The following CCL26 variants were observed in gnomAD, a reference collection of about 807,000 sequenced individuals.
CCL26 encodes C-C motif chemokine 26.
A neutral mutation model predicts 10.7 loss-of-function variants in CCL26; 10 were observed. The observed-to-expected ratio is 0.93, with a 90% confidence interval of 0.57 to 1.58. The LOEUF (loss-of-function observed/expected upper bound fraction) is 1.58, where lower values mean the gene tolerates loss of function less well. CCL26 is among the 40% of genes most tolerant of loss of function. The pLI, the probability that CCL26 is intolerant of heterozygous loss-of-function variation, is 0.00. For missense variants in CCL26, 116 were observed against 111.0 expected (o/e 1.05, Z -0.20); for synonymous variants, 43 against 41.4 (o/e 1.04, Z -0.15).
chr7:75,786,088 T>C (rs1377973649), intron 1 of CCL26, among the ~76,000 whole-genome samples: 1 of 152,208 alleles, frequency 6.6e-6, no homozygotes, highest in East Asian at 1.9e-4. Context: ...CCCTGGCTCC[T>C]TCAGCTATAC....
chr7:75,774,596 C>A (rs1294607752), upstream of CCL26, among the ~76,000 whole-genome samples: 1 of 151,970 alleles, frequency 6.6e-6, no homozygotes, highest in Non-Finnish European at 1.5e-5. Context: ...CAGGCATGCA[C>A]CACCATGCCC....
At chr7:75,776,663 G>A (rs1010063080), upstream of CCL26, among the ~76,000 whole-genome samples, 3 of 152,046 alleles carry the variant, frequency 2.0e-5, no homozygotes, top group African/African-American at 7.2e-5. Flanking sequence ...AACACTTTAC[G>A]AGAAGGAAAC....
At chr7:75,782,859 C>T (rs1344107940) in intron 1 of CCL26, among the ~76,000 whole-genome samples, 1 of 152,140 alleles carries the variant, frequency 6.6e-6, no homozygotes, top group Non-Finnish European at 1.5e-5. Flanking sequence ...TTCCTTCAGT[C>T]TCCACCCCAA....
intron 1 of CCL26, among the ~76,000 whole-genome samples, chr7:75,778,855 G>GGGGC (rs1195474388): frequency 6.6e-6 from 1 of 151,840 alleles, no homozygotes; most frequent in Non-Finnish European, 1.5e-5. Context: ...AGGTGGGGGG[G>GGGGC]GCAGATCACT....
At chr7:75,780,019 G>A (rs545919683) in intron 1 of CCL26, among the ~76,000 whole-genome samples, 1 of 147,276 alleles carries the variant, frequency 6.8e-6, no homozygotes, top group Non-Finnish European at 1.5e-5. Context: ...TTTCCTGGGG[G>A]GCAAGCACCC....
intron 1 of CCL26, among the ~76,000 whole-genome samples, chr7:75,778,808 T>G (rs2115666237): frequency 6.6e-6 from 1 of 151,194 alleles, no homozygotes; most frequent in East Asian, 1.9e-4. Flanking sequence ...CCGGGCACGG[T>G]GGCTCATGCC....
intron 1 of CCL26, among the ~76,000 whole-genome samples, chr7:75,787,981 C>A (rs186477907): frequency 6.6e-6 from 1 of 152,138 alleles, no homozygotes; most frequent in African/African-American, 2.4e-5. Flanking sequence ...CCCCTTACCA[C>A]AAAAATCTTC....
In CCL26 at chr7:75,786,451, G is replaced by A. The variant is rs529148757; in HGVS notation, c.-79+3266C>T. Reference sequence around the variant, plus strand: ...GCCCTCACTCTTGCAAAGGGACTACGCGTCAATATTTATACTGACCCCATA... The same window carrying A: ...GCCCTCACTCTTGCAAAGGGACTACACGTCAATATTTATACTGACCCCATA... On this transcript the variant is annotated intron_variant, in intron 1 of 3. Transcript: ENST00000394905. Among the ~76,000 whole-genome samples, 25 of 152,166 alleles carry A rather than the reference G, an allele frequency of 1.6e-4. No homozygotes were observed. In the East Asian group the frequency reaches 2.5e-3, roughly 15 times the overall value.
rs116079210 is a variant in CCL26 at position 75,783,346 on chromosome 7, G to A, written c.-79+6371C>T. Among the ~76,000 whole-genome samples, 1,315 of 152,208 alleles carry A rather than the reference G, an allele frequency of 8.6e-3. 24 individuals carry two copies. Among genetic ancestry groups the A allele is most frequent in the African/African-American group, 0.029 (1,215 of 41,516 alleles). ...ACACTGATAACCGCCGGCTTCACGA[G>A]CCAGACCTCCAGGAAGTTATTAGAG... On this transcript the variant is annotated intron_variant, in intron 1 of 3. Transcript: ENST00000394905.
chr7:75,783,995 G>A (rs1226355167), intron 1 of CCL26, among the ~76,000 whole-genome samples: 3 of 151,978 alleles, frequency 2.0e-5, no homozygotes, highest in Admixed American at 6.6e-5. Flanking sequence ...GCCTCAAACC[G>A]CACAATAGGA....
At position 75,769,763 on chromosome 7, in the gene CCL26, A is replaced by G; in HGVS notation, c.215T>C (p.Val72Ala). ...CCATTTTTTCCTTGGATGGGTACAG[A>G]CTTTCTTGCCTCTTTTGGTAGTGAA... ...VIFTTKRGKK[V>A]CTHPRKKWVQ... The change falls in exon 3 of 3, where the codon GTC becomes GCC. Residue 72 changes from valine to alanine, a missense_variant. Val to Ala is a moderately conservative substitution (Grantham distance 64, BLOSUM62 0). Transcript: ENST00000005180. 3.1e-6 allele frequency: 5 copies of G among 1,610,608 alleles called. No homozygotes were observed. Among genetic ancestry groups the G allele is most frequent in the Non-Finnish European group, 4.2e-6 (5 of 1,176,778 alleles).
At chr7:75,784,634 C>G (rs1803141425) in intron 1 of CCL26, among the ~76,000 whole-genome samples, 1 of 152,156 alleles carries the variant, frequency 6.6e-6, no homozygotes, top group African/African-American at 2.4e-5. Flanking sequence ...GGACAACATT[C>G]TTTTATGCAC....
intron 2 of CCL26, among the ~76,000 whole-genome samples, 176 bp from the exon 3 acceptor site, chr7:75,769,965 G>A (rs1012516886): frequency 1.3e-5 from 2 of 151,836 alleles, no homozygotes; most frequent in African/African-American, 4.8e-5. Context: ...TTCCTATCTT[G>A]ATTTCCACTG....
upstream of CCL26, among the ~76,000 whole-genome samples, chr7:75,790,203 C>CTT (rs1803300757): frequency 9.1e-6 from 1 of 110,014 alleles, no homozygotes; most frequent in Admixed American, 9.5e-5. Context: ...TTCTTTCTTT[C>CTT]TTTCTTTCTT....
intron 2 of CCL26, among the ~76,000 whole-genome samples, chr7:75,770,915 A>T (rs1802807846): frequency 6.6e-6 from 1 of 152,134 alleles, no homozygotes; most frequent in Non-Finnish European, 1.5e-5. Flanking sequence ...CTTGAACAAC[A>T]CGGATTTGAA....
upstream of CCL26, among the ~76,000 whole-genome samples, chr7:75,790,915 G>A (rs1803315981): frequency 6.6e-6 from 1 of 151,008 alleles, no homozygotes; most frequent in East Asian, 1.9e-4. Context: ...CTGCACTCCG[G>A]CCTGGGCGAT....
chr7:75,770,606 C>G (rs183868517), intron 2 of CCL26, among the ~76,000 whole-genome samples: 29 of 152,060 alleles, frequency 1.9e-4, no homozygotes, highest in African/African-American at 6.5e-4. Flanking sequence ...GTCTCGAACT[C>G]CCAACCTCAG....
In CCL26 at chr7:75,769,538, T is replaced by A. The variant is rs782343555; in HGVS notation, c.*155A>T. 3.7e-5 allele frequency: 20 copies of A among 536,650 alleles called. No individual in the cohort carries two copies. The highest frequency in any genetic ancestry group is 1.9e-4 in the African/African-American group (10 of 52,302). 33.2% of individuals were successfully genotyped at this position (536,650 alleles called of 1,614,324 possible). ...CAAAAAATGTTATGAACAAGTCAAC[T>A]CTATGAACAACCTTTATTAAAGTAA... On this transcript the variant is annotated 3_prime_UTR_variant, in exon 3 of 3. Coordinates refer to ENST00000005180, the MANE Select transcript of CCL26 (RefSeq NM_001371938.1).
chr7:75,786,428 C>T (rs1392087396), intron 1 of CCL26, among the ~76,000 whole-genome samples: 2 of 152,166 alleles, frequency 1.3e-5, no homozygotes, highest in Non-Finnish European at 2.9e-5. Flanking sequence ...TAACTCGGGC[C>T]CTCACTCTTG....
Sources: allele counts gnomAD v4.1 joint callset (sites outside exome capture counted in the v4.1 genomes callset), GRCh38; gene constraint gnomAD v4.1.1; transcripts MANE v1.5; gene names NCBI Gene and HGNC (gene_info 2026-07-23, HGNC 2026-07-21).